Variants in MALRD1 observed in about 807,000 individuals in gnomAD.
MALRD1 encodes the protein MAM and LDL-receptor class A domain-containing protein 1.
Under a neutral mutation model 242.1 loss-of-function variants are expected in MALRD1, and 247 were observed. The ratio of observed to expected loss-of-function variants is 1.02; its 90% CI spans 0.92 to 1.13. The LOEUF is 1.13. Among genes scored for constraint, MALRD1 ranks in the 50% most tolerant of loss-of-function variants. The probability of loss-of-function intolerance (pLI) is 0.00; values close to 1 mark genes in which losing one functional copy is unlikely to be tolerated. For missense variants in MALRD1, 2,989 were observed against 2,533.1 expected (o/e 1.18, Z -3.86); for synonymous variants, 995 against 866.6 (o/e 1.15, Z -2.60).
At chr10:19,073,121 G>A (rs535652366) in intron 2 of MALRD1, among the ~76,000 whole-genome samples, 1 of 151,978 alleles carries the variant, frequency 6.6e-6, no homozygotes, top group Non-Finnish European at 1.5e-5. Context: ...CACCATGTTG[G>A]CCAGACTGGT....
chr10:19,484,475 T>A (rs1305890377), intron 29 of MALRD1, among the ~76,000 whole-genome samples: 1 of 152,218 alleles, frequency 6.6e-6, no homozygotes, highest in Non-Finnish European at 1.5e-5. Flanking sequence ...AAAGCTCATC[T>A]TAAATAAGGA....
intron 36 of MALRD1, among the ~76,000 whole-genome samples, chr10:19,642,435 T>G (rs1189016840): frequency 6.6e-6 from 1 of 152,198 alleles, no homozygotes; most frequent in African/African-American, 2.4e-5. Flanking sequence ...AAACTCAGTC[T>G]GCCTGCATAG....
At chr10:19,656,561 G>A (rs1203259458) in intron 36 of MALRD1, among the ~76,000 whole-genome samples, 1 of 152,084 alleles carries the variant, frequency 6.6e-6, no homozygotes, top group East Asian at 1.9e-4. Context: ...AACCCTGGCA[G>A]TATTTCACAC....
At chr10:19,233,159 A>C (rs1394206896) in intron 18 of MALRD1, among the ~76,000 whole-genome samples, 2 of 152,160 alleles carry the variant, frequency 1.3e-5, no homozygotes, top group African/African-American at 4.8e-5. Context: ...TAATCACGTC[A>C]TGAGGAATGG....
chr10:19,113,193 C>T (rs566233187), intron 5 of MALRD1, among the ~76,000 whole-genome samples: 1 of 152,116 alleles, frequency 6.6e-6, no homozygotes, highest in African/African-American at 2.4e-5. Context: ...GTCTCCACTT[C>T]TCATAAATCC....
chr10:19,387,331 A>G (rs1022569875), intron 26 of MALRD1, among the ~76,000 whole-genome samples, 197 bp from the exon 27 acceptor site: 3 of 149,128 alleles, frequency 2.0e-5, no homozygotes, highest in South Asian at 2.1e-4. Context: ...GTGAATAATC[A>G]TAGTCATGAA....
rs1184808616 is a variant in MALRD1, at chr10:19,291,295, A to G, written c.3419+8114A>G. The G allele has an allele frequency of 5.3e-5, 8 of 152,268 alleles. No homozygotes were observed. The South Asian group carries it at 1.7e-3, about 32-fold the overall frequency. 9.4% of individuals were successfully genotyped at this position (152,268 alleles called of 1,614,324 possible). On this transcript the variant is annotated intron_variant, in intron 21 of 39. Coordinates refer to ENST00000454679, the MANE Select transcript of MALRD1 (RefSeq NM_001142308.3). ...TCTGCTCATAGAACCCTTGGGGGAA[A>G]TTCTCAAAATGGAGATTAAAGACCA...
intron 23 of MALRD1, among the ~76,000 whole-genome samples, chr10:19,328,727 C>T (rs1176260690): frequency 6.6e-6 from 1 of 152,102 alleles, no homozygotes; most frequent in Admixed American, 6.6e-5. Flanking sequence ...TCTCTGGAAT[C>T]CAGTTTTCTT....
intron 38 of MALRD1, among the ~76,000 whole-genome samples, chr10:19,698,949 A>C (rs1011970148): frequency 6.6e-6 from 1 of 152,120 alleles, no homozygotes; most frequent in African/African-American, 2.4e-5. Context: ...AGGAACAGAA[A>C]ACCAAACACC....
At chr10:19,084,159 C>T (rs182825871) in intron 2 of MALRD1, among the ~76,000 whole-genome samples, 26 of 152,008 alleles carry the variant, frequency 1.7e-4, no homozygotes, top group African/African-American at 5.8e-4. Flanking sequence ...CAAATATTAC[C>T]TGGTTCTGTT....
chr10:19,334,541 T>C (rs1321598352), intron 24 of MALRD1, among the ~76,000 whole-genome samples: 1 of 152,034 alleles, frequency 6.6e-6, no homozygotes, highest in African/African-American at 2.4e-5. Context: ...CCCATAAATA[T>C]GATAATTACT....
At chr10:19,296,091 T>C (rs780497474) in intron 21 of MALRD1, among the ~76,000 whole-genome samples, 66 of 152,044 alleles carry the variant, frequency 4.3e-4, no homozygotes, top group Non-Finnish European at 7.8e-4. Flanking sequence ...TTGTATTTTA[T>C]AAAGCACTGC....
intron 26 of MALRD1, among the ~76,000 whole-genome samples, chr10:19,375,274 C>G (rs1564605240): frequency 6.6e-6 from 1 of 152,076 alleles, no homozygotes. Context: ...TAATGTTTCT[C>G]AATACATGCC....
At chr10:19,698,414 C>T (rs764329153) in intron 38 of MALRD1, among the ~76,000 whole-genome samples, 5 of 152,176 alleles carry the variant, frequency 3.3e-5, no homozygotes, top group Non-Finnish European at 7.3e-5. Context: ...AGGCACAAAT[C>T]CCTGAGGCTC....
intron 26 of MALRD1, among the ~76,000 whole-genome samples, chr10:19,370,030 A>T (rs1382723740): frequency 6.6e-6 from 1 of 151,962 alleles, no homozygotes; most frequent in Non-Finnish European, 1.5e-5. Flanking sequence ...GATGTTTTTG[A>T]GTTTTAGCTT....
chr10:19,550,417 C>G (rs1835424270), intron 32 of MALRD1, among the ~76,000 whole-genome samples: 1 of 151,928 alleles, frequency 6.6e-6, no homozygotes, highest in African/African-American at 2.4e-5. Context: ...TTGGTTTTTT[C>G]TTTATTATTT....
intron 28 of MALRD1, among the ~76,000 whole-genome samples, chr10:19,430,598 C>G (rs1307841370): frequency 6.6e-6 from 1 of 152,142 alleles, no homozygotes; most frequent in Non-Finnish European, 1.5e-5. Flanking sequence ...CAAGTATAAT[C>G]ATTACATGTT....
At position 19,706,141 on chromosome 10, in the gene MALRD1, C is replaced by T. The variant is rs187744309; in HGVS notation, c.6314+13587C>T. ...AGGATGGAGAAATCTGGTAGAGATG[C>T]GGAAAGGGAGTTCAAGAAAATAAAA... On this transcript the variant is annotated intron_variant, in intron 38 of 39. Transcript: ENST00000454679. Among the ~76,000 whole-genome samples, 168 of 151,878 alleles carry T rather than the reference C, an allele frequency of 1.1e-3. 1 individual carries two copies. The highest frequency in any genetic ancestry group is 3.8e-3 in the African/African-American group (159 of 41,404).
intron 28 of MALRD1, among the ~76,000 whole-genome samples, chr10:19,437,433 T>G (rs1305575483): frequency 6.6e-6 from 1 of 152,084 alleles, no homozygotes; most frequent in African/African-American, 2.4e-5. Context: ...ACTTGGAGTT[T>G]AGAAATGTCA....
Sources: gnomAD v4.1 joint callset for allele counts (sites outside exome capture counted in the v4.1 genomes callset) on GRCh38, gnomAD v4.1.1 for gene constraint, MANE v1.5 for transcripts, NCBI Gene and HGNC (gene_info 2026-07-23, HGNC 2026-07-21) for gene names.